The following BAIAP3 variants were observed in gnomAD, a reference collection of about 807,000 sequenced individuals.
BAIAP3 encodes BAI1 associated protein 3.
In BAIAP3, 180 loss-of-function variants were observed where a neutral mutation model predicts 149.7. That is an observed-to-expected ratio of 1.20 (90% CI 1.07 to 1.36). BAIAP3 has a LOEUF of 1.36. BAIAP3 is among the 40% of genes most tolerant of loss of function. BAIAP3 has a pLI of 0.00. For missense variants in BAIAP3, 1,767 were observed against 1,563.4 expected (o/e 1.13, Z -2.20); for synonymous variants, 845 against 670.7 (o/e 1.26, Z -4.02).
At chr16:1,337,379 T>G (rs1317987936) in intron 1 of BAIAP3, among the ~76,000 whole-genome samples, 18 of 152,084 alleles carry the variant, frequency 1.2e-4, no homozygotes, top group Admixed American at 1.2e-3. Flanking sequence ...TCAGCTGGGC[T>G]TGGTGGCGGG....
rs761372710 is a variant in BAIAP3, at chr16:1,347,704, A to C, written c.2908A>C (p.Thr970Pro). The C allele has an allele frequency of 7.5e-6, 12 of 1,610,180 alleles. No homozygotes were observed. The highest frequency in any genetic ancestry group is 1.0e-5 in the Non-Finnish European group (12 of 1,178,072). The change falls in exon 31 of 34, where the codon ACC becomes CCC. Residue 970 changes from threonine (T) to proline (P), a missense_variant. Coordinates refer to ENST00000426824, the MANE Select transcript of BAIAP3 (RefSeq NM_001199097.2). ...QFYLDKLKQR[T>P]LEQNRFGRLS... ...GCGCTCACCCGCCTTTCCGCAGAGG[A>C]CCCTGGAGCAGAACCGGTTTGGACG... is the stretch of plus-strand genomic sequence containing the variant.
intron 1 of BAIAP3, among the ~76,000 whole-genome samples, chr16:1,335,454 G>A (rs564986630): frequency 3.3e-5 from 4 of 121,682 alleles, no homozygotes; most frequent in South Asian, 2.6e-4. Context: ...CTGGGCCCAC[G>A]GGAAAGACGG....
chr16:1,348,822 C>A lies in BAIAP3; in HGVS notation c.*340C>A. 2.3e-6 allele frequency: 1 copy of A among 434,488 alleles called. No individual in the cohort carries two copies. Among genetic ancestry groups the A allele is most frequent in the Non-Finnish European group, 4.2e-6 (1 of 236,238 alleles). 26.9% of individuals were successfully genotyped at this position (434,488 alleles called of 1,614,324 possible). A position where few individuals can be genotyped will look rare whatever the true frequency, so the allele number is the denominator to read the frequency against. On this transcript the variant is annotated 3_prime_UTR_variant, in exon 34 of 34. Coordinates refer to ENST00000426824, the MANE Select transcript of BAIAP3 (RefSeq NM_001199097.2). ...CCGGCCCTGGGTGGGCGGTGGGCAG[C>A]TGGTCTCCAGGGACTCAGTGAGTGG...
Position 1,346,299 on chromosome 16 carries a change from C to G in BAIAP3, c.2431C>G (p.Gln811Glu). 1 of 1,606,374 alleles carries G rather than the reference C, an allele frequency of 6.2e-7. No homozygotes were observed. Among genetic ancestry groups the G allele is most frequent in the South Asian group, 1.1e-5 (1 of 90,710 alleles). Residue 811 changes from glutamine (Q) to glutamate (E), a missense_variant, in exon 25 of 34, where the codon CAG becomes GAG. Physicochemically the swap from Gln to Glu is conservative, Grantham distance 29. Transcript: ENST00000426824. The stretch of plus-strand genomic sequence containing the variant: ...CCCCCGCCCTCTGCTCAGCTGCACA[C>G]AGGCCCTGGACGATGATCTGCAACG... ...VLPRPLLSCT[Q>E]ALDDDLQREA...
chr16:1,338,291 G>A lies in BAIAP3; in HGVS notation c.-10-249G>A, dbSNP rs151326845. The stretch of plus-strand genomic sequence containing the variant: ...CTGGGTGGGCACCAGCCCCGCCTTT[G>A]ACAGCATTTGCTACCTCCTCCCTGA... On this transcript the variant is annotated intron_variant, in intron 1 of 33. Transcript: ENST00000426824. 3.7e-4 allele frequency among the ~76,000 whole-genome samples: 56 copies of A among 152,256 alleles called. 1 individual carries two copies. The East Asian group carries it at 5.0e-3, about 14-fold the overall frequency.
intron 28 of BAIAP3, 33 bp from the exon 29 acceptor site, chr16:1,347,265 C>T (rs748959247): frequency 1.9e-6 from 3 of 1,605,878 alleles, no homozygotes; most frequent in Admixed American, 1.7e-5. Context: ...AAGCCAGGCT[C>T]CCTGACACCT....
chr16:1,339,327 G>A (rs1014766671), intron 4 of BAIAP3, 83 bp downstream of exon 4: 2 of 1,525,564 alleles, frequency 1.3e-6, no homozygotes, highest in African/African-American at 1.4e-5. Context: ...TGTGTGCACA[G>A]GGTCTGGTGA....
At chr16:1,346,809 G>A in intron 27 of BAIAP3, 38 bp from the exon 28 acceptor site, 1 of 989,824 alleles carries the variant, frequency 1.0e-6, no homozygotes, top group Non-Finnish European at 1.5e-6. Context: ...CAGCGGGGCA[G>A]GTGGGGCTGG....
In BAIAP3 at chr16:1,342,299, G is replaced by A. The variant is rs778131426; in HGVS notation, c.957+16G>A. ...ACCTGTCCGGGTGAGTGGGTGTGGG[G>A]TGGGGCTGGTGACACTTAGAGAAGG... On this transcript the variant is annotated intron_variant, in intron 11 of 33. Transcript: ENST00000426824. 1.9e-6 allele frequency: 3 copies of A among 1,608,730 alleles called. No homozygotes were observed. In the African/African-American group the frequency reaches 4.0e-5, roughly 22 times the overall value.
rs1396621877 is a variant in BAIAP3 at position 1,338,560 on chromosome 16, T to C, written c.11T>C (p.Leu4Ser). The stretch of plus-strand genomic sequence containing the variant: ...TGTAGGTCACCCGCCATGTCGACCT[T>C]GCTGGACATTAAGAGCAGCGTGCTC... MST[L>S]LDIKSSVLRQ... Residue 4 changes from leucine to serine, a missense_variant, in exon 2 of 34, where the codon TTG becomes TCG. By Grantham distance (145) the Leu-to-Ser change is moderately radical. Coordinates refer to ENST00000426824, the MANE Select transcript of BAIAP3 (RefSeq NM_001199097.2). The C allele has an allele frequency of 6.2e-7, 1 of 1,609,578 alleles. No homozygotes were observed. Among genetic ancestry groups the C allele is most frequent in the African/African-American group, 1.3e-5 (1 of 74,536 alleles).
intron 4 of BAIAP3, 49 bp from the exon 5 acceptor site, chr16:1,339,447 G>A: frequency 6.4e-7 from 1 of 1,559,920 alleles, no homozygotes; most frequent in South Asian, 1.1e-5. Context: ...GCTGCTGAGG[G>A]CTGGGGGCCT....
At chr16:1,334,874 G>A in intron 1 of BAIAP3, 1 of 991,958 alleles carries the variant, frequency 1.0e-6, no homozygotes, top group Non-Finnish European at 1.5e-6. Context: ...AGCGTGGAGA[G>A]CCAGCCTGTG....
Position 1,348,695 on chromosome 16 carries a change from G to A in BAIAP3, c.*213G>A, listed in dbSNP as rs759399197. ...CCTGCACCCAACCCCACATCTGGGT[G>A]GCCAACTTGGCAGGACTTGGCCAGC... On this transcript the variant is annotated 3_prime_UTR_variant, in exon 34 of 34. Coordinates refer to ENST00000426824, the MANE Select transcript of BAIAP3 (RefSeq NM_001199097.2). 16 of 605,288 alleles carry A rather than the reference G, an allele frequency of 2.6e-5. No homozygotes were observed. The highest frequency in any genetic ancestry group is 4.4e-4 in the Middle Eastern group (1 of 2,282). The allele number at this position is 605,288 out of a possible 1,614,324, so 37.5% of individuals were successfully genotyped here. A position where few individuals can be genotyped will look rare whatever the true frequency, so the allele number is the denominator to read the frequency against.
Position 1,340,913 on chromosome 16 carries a change from C to T in BAIAP3, c.409-9C>T. ...GCCTAGGCCCTGCCAACCCAGCCAC[C>T]CTCCACAGGTGTTTGGCACCAGCCT... On this transcript the variant is annotated splice_polypyrimidine_tract_variant and intron_variant, in intron 5 of 33. Coordinates refer to ENST00000426824, the MANE Select transcript of BAIAP3 (RefSeq NM_001199097.2). The T allele has an allele frequency of 1.9e-6, 3 of 1,565,680 alleles. No homozygotes were observed. Among genetic ancestry groups the T allele is most frequent in the South Asian group, 2.3e-5 (2 of 85,634 alleles).
At position 1,341,436 on chromosome 16, in the gene BAIAP3, C is replaced by G; in HGVS notation, c.678C>G (p.Val226=). The G allele has an allele frequency of 3.7e-6, 6 of 1,612,640 alleles. 1 individual carries two copies. The South Asian group carries it at 6.6e-5, about 18-fold the overall frequency. ...GGPLPAKCIQ[V]TEVKSSTLNP... is the part of the protein sequence containing the mutation. ...CCCTGCCTGCCAAGTGCATCCAGGT[C>G]ACCGAGGTGAAGAGCAGCACCCTGA... The change falls in exon 8 of 34, where the codon GTC becomes GTG. Residue 226 remains valine, a synonymous_variant. Coordinates refer to ENST00000426824, the MANE Select transcript of BAIAP3 (RefSeq NM_001199097.2).
chr16:1,347,955 C>G lies in BAIAP3; in HGVS notation c.3087C>G (p.Arg1029=), dbSNP rs116667639. Residue 1029 remains arginine, a synonymous_variant, in exon 32 of 34, where the codon CGC becomes CGG. Coordinates refer to ENST00000426824, the MANE Select transcript of BAIAP3 (RefSeq NM_001199097.2). ...CACCGCATCTCTTTCCACTGGTCCG[C>G]AGCCAGAGGACCCAGGTGAAGACCC... ...LGPPHLFPLV[R]SQRTQVKTRT... 4.3e-6 allele frequency: 7 copies of G among 1,612,022 alleles called. No individual in the cohort carries two copies. The East Asian group carries it at 1.6e-4, about 36-fold the overall frequency.
At position 1,348,428 on chromosome 16, in the gene BAIAP3, G is replaced by C. The variant is rs2034542481; in HGVS notation, c.3405G>C (p.Gln1135His). Residue 1135 changes from glutamine to histidine, a missense_variant, in exon 34 of 34, where the codon CAG becomes CAC. Gln to His is a conservative substitution (Grantham distance 24, BLOSUM62 0). Coordinates refer to ENST00000426824, the MANE Select transcript of BAIAP3 (RefSeq NM_001199097.2). ...AAGGCCGCACCAGCAAGGAGGCGCAGGAGTTCGTGAAGAAACTCAAGGAGC... is the reference window on the plus strand; with the variant it reads ...AAGGCCGCACCAGCAAGGAGGCGCACGAGTTCGTGAAGAAACTCAAGGAGC... ...RLEGRTSKEA[Q>H]EFVKKLKELE... 1 of 1,612,728 alleles carries C rather than the reference G, an allele frequency of 6.2e-7. No homozygotes were observed. Among genetic ancestry groups the C allele is most frequent in the Non-Finnish European group, 8.5e-7 (1 of 1,179,840 alleles).
In BAIAP3 at chr16:1,343,183, G is replaced by A. The variant is rs1286703649; in HGVS notation, c.1265+167G>A. On this transcript the variant is annotated intron_variant, in intron 14 of 33. Transcript: ENST00000426824. ...TGATTGGGCGGGAAGGGAAGGGGGC[G>A]GTGCTACGGGTAGGTGAGGCAGCGA... 4 of 1,046,442 alleles carry A rather than the reference G, an allele frequency of 3.8e-6. No individual in the cohort carries two copies. In the African/African-American group the frequency reaches 4.7e-5, roughly 12 times the overall value. The allele number at this position is 1,046,442 out of a possible 1,614,324, so 64.8% of individuals were successfully genotyped here. A position where few individuals can be genotyped will look rare whatever the true frequency, so the allele number is the denominator to read the frequency against.
Position 1,346,179 on chromosome 16 carries a change from G to A in BAIAP3, c.2311G>A (p.Val771Ile). The part of the protein sequence containing the change: ...GEAVSEALCV[V>I]LNNVELVRKA... ...GCCACACCTCCTCCAGCTCTGCGTGGTCCTCAACAATGTGGAGCTCGTGCG... is the reference window on the plus strand; with the variant it reads ...GCCACACCTCCTCCAGCTCTGCGTGATCCTCAACAATGTGGAGCTCGTGCG... Residue 771 changes from valine (V) to isoleucine (I), a missense_variant, in exon 25 of 34, where the codon GTC becomes ATC. By Grantham distance (29) the Val-to-Ile change is conservative. Coordinates refer to ENST00000426824, the MANE Select transcript of BAIAP3 (RefSeq NM_001199097.2). 2 of 1,611,434 alleles carry A rather than the reference G, an allele frequency of 1.2e-6. No homozygotes were observed. Among genetic ancestry groups the A allele is most frequent in the Non-Finnish European group, 1.7e-6 (2 of 1,179,834 alleles).
Sources: allele counts gnomAD v4.1 joint callset (sites outside exome capture counted in the v4.1 genomes callset), GRCh38; gene constraint gnomAD v4.1.1; transcripts MANE v1.5; gene names NCBI Gene and HGNC (gene_info 2026-07-23, HGNC 2026-07-21).